SPOCK3: variants seen among roughly 807,000 people sequenced by gnomAD.
SPOCK3 encodes testican-3.
SPOCK3 carries 30 observed loss-of-function variants against 56.6 expected under a neutral mutation model. The ratio of observed to expected loss-of-function variants is 0.53; its 90% CI spans 0.40 to 0.72. SPOCK3 has a LOEUF of 0.72. SPOCK3 is among the 30% of genes least tolerant of loss of function. SPOCK3 has a pLI of 0.00. For synonymous variants in SPOCK3, 196 were observed against 183.3 expected, an observed-to-expected ratio of 1.07 and a Z score of -0.56; for missense variants, 527 against 530.0, an observed-to-expected ratio of 0.99 and a Z score of 0.06.
intron 4 of SPOCK3, among the ~76,000 whole-genome samples, chr4:166,998,314 C>T (rs575408203): frequency 6.6e-6 from 1 of 152,270 alleles, no homozygotes; most frequent in East Asian, 1.9e-4. Flanking sequence ...TCCACCACTA[C>T]ACCAAAGGCA....
chr4:167,132,201 C>A (rs1762761260), intron 2 of SPOCK3, among the ~76,000 whole-genome samples: 2 of 152,118 alleles, frequency 1.3e-5, no homozygotes. Context: ...TGAATTCAAC[C>A]AATACAAACA....
chr4:166,787,873 G>A (rs76749555), intron 7 of SPOCK3, among the ~76,000 whole-genome samples: 4,726 of 152,160 alleles, frequency 0.031, 129 homozygotes, highest in Non-Finnish European at 0.05. Flanking sequence ...TCTACTAAGT[G>A]TTTGAGATTA....
At chr4:166,835,319 G>A (rs985720046) in intron 6 of SPOCK3, among the ~76,000 whole-genome samples, 2 of 152,112 alleles carry the variant, frequency 1.3e-5, no homozygotes, top group African/African-American at 4.8e-5. Flanking sequence ...AGCCAAGAAT[G>A]ATTCTAGTGT....
At chr4:167,058,440 C>T (rs1247066292) in intron 3 of SPOCK3, among the ~76,000 whole-genome samples, 1 of 152,080 alleles carries the variant, frequency 6.6e-6, no homozygotes, top group Non-Finnish European at 1.5e-5. Context: ...ATCCAACTTA[C>T]AAGGGATGTG....
intron 3 of SPOCK3, among the ~76,000 whole-genome samples, chr4:167,002,305 A>G (rs1162885228): frequency 1.3e-5 from 2 of 152,208 alleles, no homozygotes; most frequent in Admixed American, 1.3e-4. Flanking sequence ...ATATATGCAC[A>G]TATATCTTAC....
chr4:166,865,233 C>T (rs1731684734), intron 6 of SPOCK3, among the ~76,000 whole-genome samples: 1 of 152,168 alleles, frequency 6.6e-6, no homozygotes, highest in Admixed American at 6.6e-5. Context: ...ATTCAACATT[C>T]TTTCATGCTA....
chr4:166,738,715 C>T lies in SPOCK3; in HGVS notation c.995-1111G>A, dbSNP rs376790993. On this transcript the variant is annotated intron_variant, in intron 9 of 10. Transcript: ENST00000357545. Reference sequence around the variant, plus strand: ...ATTCCCACCTATGAGTGAGAACATGCGGTGTTTGGTTTTTTGTCCTTGCGA... The same window carrying T: ...ATTCCCACCTATGAGTGAGAACATGTGGTGTTTGGTTTTTTGTCCTTGCGA... Among the ~76,000 whole-genome samples the T allele has an allele frequency of 3.1e-3, 452 of 144,624 alleles. 6 individuals carry two copies. In the East Asian group the frequency reaches 0.041, roughly 13 times the overall value. The allele number at this position is 144,624 out of a possible 152,430, so 94.9% of individuals were successfully genotyped here. A position where few individuals can be genotyped will look rare whatever the true frequency, so the allele number is the denominator to read the frequency against.
At chr4:166,952,739 T>C (rs1347953568) in intron 4 of SPOCK3, among the ~76,000 whole-genome samples, 1 of 152,058 alleles carries the variant, frequency 6.6e-6, no homozygotes, top group Middle Eastern at 3.2e-3. Context: ...AACAGAGATA[T>C]AGATTAATGG....
chr4:166,940,474 C>T (rs1740923956), intron 4 of SPOCK3, among the ~76,000 whole-genome samples: 1 of 151,972 alleles, frequency 6.6e-6, no homozygotes, highest in Non-Finnish European at 1.5e-5. Flanking sequence ...GTACAATCAA[C>T]ACAATAGGCC....
chr4:166,992,334 T>C (rs1172224304), intron 4 of SPOCK3, among the ~76,000 whole-genome samples: 6 of 152,168 alleles, frequency 3.9e-5, no homozygotes, highest in Non-Finnish European at 8.8e-5. Context: ...TAAAGAAGTT[T>C]TAAAATTGCT....
Position 166,872,835 on chromosome 4 carries a change from A to G in SPOCK3, c.589+16295T>C, listed in dbSNP as rs1228727032. Among the ~76,000 whole-genome samples, 7 of 152,158 alleles carry G rather than the reference A, an allele frequency of 4.6e-5. No homozygotes were observed. The East Asian group carries it at 1.3e-3, about 29-fold the overall frequency. ...ATGATTCTGGTGGTTGGCAAGTTCAAAATTGGGCATCTGTATCTGGTGAGG... is the reference window on the plus strand; with the variant it reads ...ATGATTCTGGTGGTTGGCAAGTTCAGAATTGGGCATCTGTATCTGGTGAGG... On this transcript the variant is annotated intron_variant, in intron 6 of 10. Transcript: ENST00000357545.
At chr4:167,109,492 T>C (rs1343797034) in intron 2 of SPOCK3, among the ~76,000 whole-genome samples, 3 of 116,976 alleles carry the variant, frequency 2.6e-5, no homozygotes, top group Non-Finnish European at 4.9e-5. Flanking sequence ...TAAAATATAT[T>C]TATATATTTT....
At chr4:166,851,527 A>G (rs1220920663) in intron 6 of SPOCK3, among the ~76,000 whole-genome samples, 1 of 152,248 alleles carries the variant, frequency 6.6e-6, no homozygotes, top group Admixed American at 6.5e-5. Context: ...TCCGAGCTAC[A>G]GGAGGAAATT....
At chr4:167,113,112 G>A (rs990682756) in intron 2 of SPOCK3, among the ~76,000 whole-genome samples, 2 of 152,074 alleles carry the variant, frequency 1.3e-5, no homozygotes, top group South Asian at 2.1e-4. Flanking sequence ...TAGGCCAATT[G>A]TTGTAGTATG....
At chr4:166,736,474 C>T (rs368511919) in intron 10 of SPOCK3, among the ~76,000 whole-genome samples, 53 of 151,884 alleles carry the variant, frequency 3.5e-4, no homozygotes, top group Non-Finnish European at 6.8e-4. Context: ...GTCAGCAAAC[C>T]GAAACTAAGC....
intron 6 of SPOCK3, among the ~76,000 whole-genome samples, chr4:166,794,524 A>T (rs750056158): frequency 3.3e-5 from 5 of 151,994 alleles, no homozygotes; most frequent in Non-Finnish European, 5.9e-5. Context: ...TGTACTATAT[A>T]GCTGTATTAA....
intron 4 of SPOCK3, among the ~76,000 whole-genome samples, chr4:166,959,530 T>G (rs1743900455): frequency 6.6e-6 from 1 of 151,932 alleles, no homozygotes; most frequent in African/African-American, 2.4e-5. Flanking sequence ...GGAGAATTGT[T>G]GAACCCAGGA....
chr4:166,903,554 T>C (rs1456040479), intron 5 of SPOCK3, among the ~76,000 whole-genome samples: 1 of 152,138 alleles, frequency 6.6e-6, no homozygotes. Flanking sequence ...AGGGGTTGTC[T>C]AATTCATCGA....
chr4:166,867,620 ATAAT>A (rs1731977163), intron 6 of SPOCK3, among the ~76,000 whole-genome samples: 1 of 145,990 alleles, frequency 6.8e-6, no homozygotes, highest in Non-Finnish European at 1.6e-5. Context: ...ATAAGTAAAA[ATAAT>A]TAATTACAGG....
Sources: gnomAD v4.1 joint callset for allele counts (sites outside exome capture counted in the v4.1 genomes callset) on GRCh38, gnomAD v4.1.1 for gene constraint, MANE v1.5 for transcripts, NCBI Gene and HGNC (gene_info 2026-07-23, HGNC 2026-07-21) for gene names.